Variants in CACNA2D1 observed in about 807,000 individuals in gnomAD.
CACNA2D1 encodes the protein voltage-dependent calcium channel subunit alpha-2/delta-1.
Under a neutral mutation model 171.5 loss-of-function variants are expected in CACNA2D1, and 53 were observed. That is an observed-to-expected ratio of 0.31 (90% CI 0.25 to 0.39). The LOEUF (loss-of-function observed/expected upper bound fraction) is 0.39, where lower values mean the gene tolerates loss of function less well. Among genes scored for constraint, CACNA2D1 ranks in the 10% least tolerant of loss-of-function variants. The pLI, the probability that CACNA2D1 is intolerant of heterozygous loss-of-function variation, is 1.00. For missense variants in CACNA2D1, 903 were observed against 1,299.8 expected (o/e 0.69, Z 4.69); for synonymous variants, 442 against 443.1 (o/e 1.00, Z 0.03).
intron 6 of CACNA2D1, among the ~76,000 whole-genome samples, chr7:82,102,638 T>G (rs1007549322): frequency 5.3e-5 from 8 of 152,180 alleles, no homozygotes; most frequent in Non-Finnish European, 1.2e-4. Context: ...CAGTATGTTT[T>G]CATTCAACGA....
At chr7:82,290,750 C>T (rs972371743) in intron 3 of CACNA2D1, among the ~76,000 whole-genome samples, 9 of 151,704 alleles carry the variant, frequency 5.9e-5, no homozygotes, top group Non-Finnish European at 8.8e-5. Flanking sequence ...GCATGCACCA[C>T]CATGCCGGGC....
chr7:82,012,040 A>C (rs755195386), intron 15 of CACNA2D1, 114 bp downstream of exon 15: 6 of 740,414 alleles, frequency 8.1e-6, no homozygotes, highest in Non-Finnish European at 1.2e-5. Flanking sequence ...TGATAGAAGA[A>C]ATTTTGGGGA....
At chr7:82,005,679 A>T in intron 17 of CACNA2D1, 86 bp downstream of exon 17, 1 of 1,010,670 alleles carries the variant, frequency 9.9e-7, no homozygotes. Context: ...ACTGCCCATA[A>T]TTTTTGAGAA....
At chr7:82,332,984 G>A (rs568555878) in intron 3 of CACNA2D1, among the ~76,000 whole-genome samples, 74 of 152,326 alleles carry the variant, frequency 4.9e-4, no homozygotes, top group Admixed American at 2.4e-3. Context: ...AGGCAATGAA[G>A]TGAGACGCTG....
chr7:82,118,815 T>C (rs1789380339), intron 5 of CACNA2D1, among the ~76,000 whole-genome samples: 1 of 152,008 alleles, frequency 6.6e-6, no homozygotes, highest in Non-Finnish European at 1.5e-5. Context: ...CTCCTTAAGG[T>C]ACAATTGTTA....
At chr7:82,342,053 CAAAAAAAAAAA>C (rs60799157) in intron 2 of CACNA2D1, among the ~76,000 whole-genome samples, 6 of 65,492 alleles carry the variant, frequency 9.2e-5, no homozygotes, top group Non-Finnish European at 1.4e-4. Context: ...GACTCCGTCT[CAAAAAAAAAAA>C]AAAAAAAAAA....
rs143825876 is a variant in CACNA2D1 at position 82,153,419 on chromosome 7, T to C, written c.355-16743A>G. The stretch of plus-strand genomic sequence containing the variant: ...TTTTTTAGATCTTATTTCTAATAAG[T>C]TTAATCATTACAAACTCAAATTCAA... On this transcript the variant is annotated intron_variant, in intron 4 of 38. Coordinates refer to ENST00000356860, the MANE Select transcript of CACNA2D1 (RefSeq NM_000722.4). Among the ~76,000 whole-genome samples, 1,010 of 152,146 alleles carry C rather than the reference T, an allele frequency of 6.6e-3. 26 individuals carry two copies. Among genetic ancestry groups the C allele is most frequent in the Admixed American group, 0.06 (911 of 15,276 alleles).
chr7:82,369,704 T>C (rs916211138), intron 1 of CACNA2D1, among the ~76,000 whole-genome samples: 2 of 152,016 alleles, frequency 1.3e-5, no homozygotes, highest in African/African-American at 4.8e-5. Context: ...CAAGGAATAG[T>C]TGTTTTAGGA....
intron 5 of CACNA2D1, among the ~76,000 whole-genome samples, chr7:82,134,410 G>C (rs1342698024): frequency 6.6e-6 from 1 of 152,042 alleles, no homozygotes. Context: ...ATAATTTTAG[G>C]GCTGGATTAG....
intron 3 of CACNA2D1, among the ~76,000 whole-genome samples, chr7:82,311,002 T>C (rs1814390666): frequency 6.6e-6 from 1 of 152,160 alleles, no homozygotes; most frequent in Admixed American, 6.5e-5. Flanking sequence ...TTAAATTGTA[T>C]AGACCACACT....
intron 10 of CACNA2D1, among the ~76,000 whole-genome samples, chr7:82,045,345 A>C (rs1203895020): frequency 6.6e-6 from 1 of 152,068 alleles, no homozygotes; most frequent in Non-Finnish European, 1.5e-5. Context: ...CTGTTTTTCC[A>C]GATTGTTGCT....
rs531157195 is a variant in CACNA2D1 at position 82,227,910 on chromosome 7, A to G, written c.295-57301T>C. Among the ~76,000 whole-genome samples, 30 of 152,296 alleles carry G rather than the reference A, an allele frequency of 2.0e-4. 1 individual carries two copies. In the South Asian group the frequency reaches 6.2e-3, roughly 32 times the overall value. ...AGGTCAGATTGTTTGCCTCTAAAAT[A>G]GCTCAAGTCTGTGGAGGGTAGAATT... On this transcript the variant is annotated intron_variant, in intron 3 of 38. Coordinates refer to ENST00000356860, the MANE Select transcript of CACNA2D1 (RefSeq NM_000722.4).
chr7:82,037,949 A>T, intron 11 of CACNA2D1, 128 bp downstream of exon 11: 1 of 871,776 alleles, frequency 1.1e-6, no homozygotes, highest in Non-Finnish European at 1.9e-6. Flanking sequence ...CTGCCTGCAC[A>T]CATCTGTGTT....
intron 1 of CACNA2D1, among the ~76,000 whole-genome samples, chr7:82,392,897 C>T (rs982789036): frequency 3.3e-5 from 5 of 151,914 alleles, no homozygotes; most frequent in Non-Finnish European, 1.5e-5. Flanking sequence ...AATTTATTAG[C>T]CCTAACCCTG....
chr7:82,003,739 C>G (rs1798838305), intron 18 of CACNA2D1, among the ~76,000 whole-genome samples: 1 of 149,520 alleles, frequency 6.7e-6, no homozygotes, highest in South Asian at 2.1e-4. Flanking sequence ...CCCTTCATCA[C>G]ATTACTTTTT....
intron 3 of CACNA2D1, among the ~76,000 whole-genome samples, chr7:82,186,219 A>AGGGAGGG (rs1797728652): frequency 2.7e-5 from 2 of 75,064 alleles, no homozygotes; most frequent in African/African-American, 9.5e-5. Context: ...GAGGGAGGGA[A>AGGGAGGG]AGAGAGAGAG....
At chr7:82,290,834 G>A (rs1054047460) in intron 3 of CACNA2D1, among the ~76,000 whole-genome samples, 1 of 151,836 alleles carries the variant, frequency 6.6e-6, no homozygotes, top group East Asian at 1.9e-4. Flanking sequence ...GACCTCAGGT[G>A]ATCCACTCAC....
chr7:82,165,547 T>C (rs1397649739), intron 4 of CACNA2D1, among the ~76,000 whole-genome samples: 1 of 152,040 alleles, frequency 6.6e-6, no homozygotes, highest in African/African-American at 2.4e-5. Context: ...CCATGGTTAA[T>C]ATTTTTTATG....
rs577870525 is a variant in CACNA2D1, at chr7:82,001,767, C to G, written c.1590+3656G>C. The G allele has an allele frequency of 8.2e-5, 54 of 658,340 alleles. No homozygotes were observed. The African/African-American group carries it at 8.6e-4, about 11-fold the overall frequency. The allele number at this position is 658,340 out of a possible 1,614,324, so 40.8% of individuals were successfully genotyped here. On this transcript the variant is annotated intron_variant, in intron 18 of 38. Transcript: ENST00000356860. Reference sequence around the variant, plus strand: ...ATCATAGTACATGTCAACATAGGTACGGGTTCTATCCTATAATCAATTTTC... The same window carrying G: ...ATCATAGTACATGTCAACATAGGTAGGGGTTCTATCCTATAATCAATTTTC...
Sources: gnomAD v4.1 joint callset for allele counts (sites outside exome capture counted in the v4.1 genomes callset) on GRCh38, gnomAD v4.1.1 for gene constraint, MANE v1.5 for transcripts, NCBI Gene and HGNC (gene_info 2026-07-23, HGNC 2026-07-21) for gene names.